DPP8: variants seen among roughly 807,000 people sequenced by gnomAD.
The protein encoded by DPP8 is dipeptidyl peptidase 8.
A neutral mutation model predicts 107.5 loss-of-function variants in DPP8; 31 were observed. That is an observed-to-expected ratio of 0.29 (90% confidence interval 0.22 to 0.39). DPP8 has a LOEUF of 0.39. Among genes scored for constraint, DPP8 ranks in the 10% least tolerant of loss-of-function variants. The probability of loss-of-function intolerance (pLI) is 1.00; values close to 1 mark genes in which losing one functional copy is unlikely to be tolerated. For synonymous variants in DPP8, 381 were observed against 356.6 expected (o/e 1.07, Z -0.77); for missense variants, 842 against 1,076.1 (o/e 0.78, Z 3.04).
intron 2 of DPP8, among the ~76,000 whole-genome samples, chr15:65,508,483 T>C (rs560904262): frequency 4.6e-5 from 7 of 152,060 alleles, no homozygotes; most frequent in East Asian, 1.9e-4. Flanking sequence ...ATATAAAAGA[T>C]TGACAGAAAC....
chr15:65,472,491 GGGTCTT>G (rs548847325), intron 12 of DPP8, among the ~76,000 whole-genome samples: 154 of 151,954 alleles, frequency 1.0e-3, no homozygotes, highest in African/African-American at 3.5e-3. Context: ...GGCAGAGACA[GGGTCTT>G]ATATGTTGCC....
chr15:65,513,748 A>G (rs1277903177), intron 1 of DPP8, among the ~76,000 whole-genome samples: 1 of 151,816 alleles, frequency 6.6e-6, no homozygotes, highest in East Asian at 1.9e-4. Flanking sequence ...GCTAATGTTT[A>G]TTCTCATTTC....
At chr15:65,481,675 G>T in intron 8 of DPP8, 60 bp from the exon 9 acceptor site, 1 of 1,005,928 alleles carries the variant, frequency 9.9e-7, no homozygotes, top group Non-Finnish European at 1.4e-6. Context: ...TAATTAGCTT[G>T]CTAGTCTACT....
intron 19 of DPP8, among the ~76,000 whole-genome samples, chr15:65,450,307 T>G (rs951486394): frequency 6.6e-6 from 1 of 152,104 alleles, no homozygotes; most frequent in Non-Finnish European, 1.5e-5. Context: ...ATTTTCTCAG[T>G]TTTCATATCT....
At chr15:65,456,031 A>G (rs1018133026) in intron 16 of DPP8, among the ~76,000 whole-genome samples, 194 bp downstream of exon 16, 3 of 152,194 alleles carry the variant, frequency 2.0e-5, no homozygotes, top group Admixed American at 6.5e-5. Context: ...GCTCTATCTC[A>G]GTTCCCCAAA....
chr15:65,503,643 G>A (rs570788713), intron 3 of DPP8, among the ~76,000 whole-genome samples: 6 of 151,662 alleles, frequency 4.0e-5, no homozygotes, highest in African/African-American at 1.4e-4. Flanking sequence ...TATTTTTTGA[G>A]ATGAAGTCTT....
intron 6 of DPP8, among the ~76,000 whole-genome samples, chr15:65,488,603 C>CAAAAAAAAAAAA (rs1166493197): frequency 7.1e-4 from 32 of 45,278 alleles, no homozygotes; most frequent in African/African-American, 2.5e-3. Context: ...GACCCTGCCT[C>CAAAAAAAAAAAA]AAAAAAAAAA....
rs540578814 is a variant in DPP8, at chr15:65,481,997, ATATTT to A, written c.1018-387_1018-383del. Among the ~76,000 whole-genome samples, 8 of 151,576 alleles carry A rather than the reference ATATTT, an allele frequency of 5.3e-5. No individual in the cohort carries two copies. In the South Asian group the frequency reaches 1.0e-3, roughly 20 times the overall value. On this transcript the variant is annotated intron_variant, in intron 8 of 19. Transcript: ENST00000300141. ...ATATATATATATACACACACTAATT[ATATTT>A]TATTTATACATATATATGTGTGTGT...
chr15:65,513,258 G>C (rs2071031886), intron 1 of DPP8, among the ~76,000 whole-genome samples: 1 of 150,686 alleles, frequency 6.6e-6, no homozygotes, highest in Non-Finnish European at 1.5e-5. Context: ...CTGTTACCCA[G>C]ACTGGAGTGC....
intron 2 of DPP8, among the ~76,000 whole-genome samples, chr15:65,509,160 ATTTTGTGTAAAATCTACTTT>A (rs373519823): frequency 2.0e-5 from 3 of 152,266 alleles, no homozygotes; most frequent in African/African-American, 7.2e-5. Flanking sequence ...TCAGCACTCA[ATTTTGTGTAAAATCTACTTT>A]GTAGATTCCC....
chr15:65,468,150 T>C (rs1026868392), intron 12 of DPP8, among the ~76,000 whole-genome samples: 2 of 152,174 alleles, frequency 1.3e-5, no homozygotes, highest in Non-Finnish European at 2.9e-5. Context: ...TTCAAATAAA[T>C]GGCTTTCTTT....
chr15:65,497,945 T>G lies in DPP8; in HGVS notation c.634A>C (p.Ile212Leu), dbSNP rs201190145. The change falls in exon 5 of 20, where the codon ATT becomes CTT. Residue 212 changes from isoleucine to leucine, a missense_variant. Physicochemically the swap from Ile to Leu is conservative, Grantham distance 5. Transcript: ENST00000300141. ...PKLCPADPDW[I>L]AFIHSNDIWI... ...ATATCGTTGCTATGTATAAAAGCAATCCAGTCTGGATCAGCAGGGCATAAT... is the reference window on the plus strand; with the variant it reads ...ATATCGTTGCTATGTATAAAAGCAAGCCAGTCTGGATCAGCAGGGCATAAT... The G allele has an allele frequency of 3.1e-6, 5 of 1,611,834 alleles. No homozygotes were observed. Among genetic ancestry groups the G allele is most frequent in the Middle Eastern group, 3.3e-4 (2 of 6,056 alleles).
intron 15 of DPP8, among the ~76,000 whole-genome samples, chr15:65,456,691 C>T (rs1296777331): frequency 1.3e-5 from 2 of 152,084 alleles, no homozygotes; most frequent in Admixed American, 6.6e-5. Flanking sequence ...CTGTGCTATT[C>T]GAATGACAGT....
rs150848010 is a variant in DPP8 at position 65,504,025 on chromosome 15, G to A, written c.372+3218C>T. ...GATCCACCCTCCTTGGCTTCCCAAA[G>A]TGCTGTGATTACAGGCATCAGCTAC... is the stretch of plus-strand genomic sequence containing the variant. On this transcript the variant is annotated intron_variant, in intron 3 of 19. Coordinates refer to ENST00000300141, the MANE Select transcript of DPP8 (RefSeq NM_130434.5). Among the ~76,000 whole-genome samples the A allele has an allele frequency of 3.1e-3, 465 of 151,548 alleles. 2 individuals carry two copies. Among genetic ancestry groups the A allele is most frequent in the African/African-American group, 0.011 (448 of 41,412 alleles).
intron 7 of DPP8, 69 bp from the exon 8 acceptor site, chr15:65,485,229 TCCTCTTTAC>T: frequency 8.5e-7 from 1 of 1,182,986 alleles, no homozygotes; most frequent in South Asian, 1.2e-5. Context: ...GCCAGATCAA[TCCTCTTTAC>T]ACTTTAGTTA....
At chr15:65,488,899 C>G (rs538872567) in intron 6 of DPP8, among the ~76,000 whole-genome samples, 41 of 152,238 alleles carry the variant, frequency 2.7e-4, no homozygotes, top group Middle Eastern at 3.4e-3. Flanking sequence ...CTGATTTGGT[C>G]ATCTGTTTAA....
rs566533548 is a variant in DPP8, at chr15:65,508,574, C to T, written c.260-1219G>A. Reference sequence around the variant, plus strand: ...TCTATTCTAAAAAGGTATTACTGGCCGGCCGAGGTGGCTCACACCTGTAAT... The same window carrying T: ...TCTATTCTAAAAAGGTATTACTGGCTGGCCGAGGTGGCTCACACCTGTAAT... On this transcript the variant is annotated intron_variant, in intron 2 of 19. Coordinates refer to ENST00000300141, the MANE Select transcript of DPP8 (RefSeq NM_130434.5). Among the ~76,000 whole-genome samples the T allele has an allele frequency of 2.6e-4, 39 of 152,030 alleles. No homozygotes were observed. The East Asian group carries it at 7.0e-3, about 27-fold the overall frequency.
intron 3 of DPP8, among the ~76,000 whole-genome samples, chr15:65,504,387 T>G (rs1371783666): frequency 1.6e-5 from 2 of 124,222 alleles, no homozygotes; most frequent in Admixed American, 8.3e-5. Flanking sequence ...AAAATTGTGG[T>G]AGGGCCGGGT....
intron 8 of DPP8, among the ~76,000 whole-genome samples, chr15:65,482,954 G>A (rs575326475): frequency 2.2e-4 from 34 of 151,894 alleles, no homozygotes; most frequent in South Asian, 1.2e-3. Flanking sequence ...AAAATTAGCC[G>A]GGCATCTTGG....
Sources: allele counts gnomAD v4.1 joint callset (sites outside exome capture counted in the v4.1 genomes callset), GRCh38; gene constraint gnomAD v4.1.1; transcripts MANE v1.5; gene names NCBI Gene and HGNC (gene_info 2026-07-23, HGNC 2026-07-21).